The following PDE12 variants were observed in gnomAD, a reference collection of about 807,000 sequenced individuals.
PDE12 encodes the protein 2',5'-phosphodiesterase 12.
Under a neutral mutation model 45.4 loss-of-function variants are expected in PDE12, and 26 were observed. The ratio of observed to expected loss-of-function variants is 0.57; its 90% confidence interval spans 0.42 to 0.79. PDE12 has a LOEUF of 0.79. PDE12 is among the 30% of genes least tolerant of loss of function. The probability of loss-of-function intolerance (pLI) is 0.00; values close to 1 mark genes in which losing one functional copy is unlikely to be tolerated. For missense variants in PDE12, 668 were observed against 790.0 expected, an observed-to-expected ratio of 0.85 and a Z score of 1.85; for synonymous variants, 283 against 323.9, an observed-to-expected ratio of 0.87 and a Z score of 1.36.
chr3:57,563,010 G>A lies in PDE12; in HGVS notation c.*3006G>A, dbSNP rs1165939151. ...ACTACTGTGGAAAGTTCTTACGATG[G>A]AAATTGACATCTTTTGTATCTCATT... is the stretch of plus-strand genomic sequence containing the variant. On this transcript the variant is annotated 3_prime_UTR_variant, in exon 3 of 3. Transcript: ENST00000311180. 2 of 152,156 alleles carry A rather than the reference G, an allele frequency of 1.3e-5. No homozygotes were observed. Among genetic ancestry groups the A allele is most frequent in the Non-Finnish European group, 2.9e-5 (2 of 68,030 alleles). The allele number at this position is 152,156 out of a possible 1,614,324, so 9.4% of individuals were successfully genotyped here.
the PDE12 span, among the ~76,000 whole-genome samples, chr3:57,610,606 G>A: frequency 1.3e-5 from 2 of 152,022 alleles, no homozygotes; most frequent in African/African-American, 2.4e-5. Context: ...CAAACAGAGA[G>A]CCAAATCATG....
chr3:57,628,104 G>A, the PDE12 span: 7 of 1,469,930 alleles, frequency 4.8e-6, no homozygotes, highest in Non-Finnish European at 6.4e-6. Flanking sequence ...TAGCATTCAT[G>A]GCAATTTTCC....
the PDE12 span, among the ~76,000 whole-genome samples, chr3:57,613,297 C>CTT: frequency 1.5e-4 from 20 of 129,462 alleles, no homozygotes; most frequent in African/African-American, 2.6e-4. Context: ...AAAAAAACAA[C>CTT]TTTTTTTTTT....
chr3:57,573,880 C>T, the PDE12 span, among the ~76,000 whole-genome samples: 6 of 152,110 alleles, frequency 3.9e-5, no homozygotes, highest in Admixed American at 3.9e-4. Context: ...CCACACCCGG[C>T]CCAGTTTATG....
the PDE12 span, among the ~76,000 whole-genome samples, chr3:57,580,851 G>A: frequency 2.0e-5 from 3 of 150,958 alleles, no homozygotes; most frequent in East Asian, 5.8e-4. Flanking sequence ...GAGCTCAAGC[G>A]ATCCTCCCAC....
the PDE12 span, among the ~76,000 whole-genome samples, chr3:57,632,021 C>CTTTT: frequency 1.0e-5 from 1 of 96,028 alleles, no homozygotes; most frequent in African/African-American, 4.1e-5. Flanking sequence ...CGCGCCCGGC[C>CTTTT]TTTTTTTTTT....
the PDE12 span, among the ~76,000 whole-genome samples, chr3:57,624,677 C>T: frequency 0.024 from 3,657 of 151,224 alleles, 67 homozygotes; most frequent in Middle Eastern, 0.038. Context: ...GGCAGGAGGA[C>T]GGCTTCAACC....
the PDE12 span, among the ~76,000 whole-genome samples, chr3:57,593,817 G>A: frequency 5.8e-4 from 89 of 152,214 alleles, no homozygotes; most frequent in South Asian, 2.1e-3. Context: ...GGGCGGGATC[G>A]CTTCAGCCCA....
chr3:57,656,371 T>G, the PDE12 span, among the ~76,000 whole-genome samples: 3 of 152,236 alleles, frequency 2.0e-5, no homozygotes, highest in Non-Finnish European at 2.9e-5. Context: ...TTTTTTTAAC[T>G]GCTGAATAGT....
chr3:57,619,176 G>A, the PDE12 span, among the ~76,000 whole-genome samples: 7 of 151,808 alleles, frequency 4.6e-5, no homozygotes, highest in Admixed American at 2.6e-4. Flanking sequence ...GTGAAACCCC[G>A]TCTTTACTAA....
the PDE12 span, among the ~76,000 whole-genome samples, chr3:57,621,355 T>C: frequency 6.6e-6 from 1 of 152,314 alleles, no homozygotes; most frequent in Admixed American, 6.5e-5. Flanking sequence ...TAAACCTAAA[T>C]GCAAAACCTA....
At chr3:57,619,786 G>GT in the PDE12 span, among the ~76,000 whole-genome samples, 2 of 151,834 alleles carry the variant, frequency 1.3e-5, no homozygotes, top group African/African-American at 4.8e-5. Flanking sequence ...GGAGGCAGAG[G>GT]TTGCAGTGAG....
the PDE12 span, among the ~76,000 whole-genome samples, chr3:57,650,906 T>A: frequency 6.6e-6 from 1 of 151,464 alleles, no homozygotes. Context: ...TGCCTCAGCA[T>A]CCAGAGTAGC....
the PDE12 span, among the ~76,000 whole-genome samples, chr3:57,640,976 C>T: frequency 1.1e-4 from 17 of 151,604 alleles, no homozygotes; most frequent in South Asian, 2.7e-3. Flanking sequence ...CACTTTGAAC[C>T]GCTCCCTAAA....
chr3:57,644,978 C>A, the PDE12 span, among the ~76,000 whole-genome samples: 1 of 151,712 alleles, frequency 6.6e-6, no homozygotes, highest in African/African-American at 2.4e-5. Context: ...AAGTGGAGAT[C>A]GTACATGCAG....
At chr3:57,607,479 T>G in the PDE12 span, among the ~76,000 whole-genome samples, 1 of 151,888 alleles carries the variant, frequency 6.6e-6, no homozygotes, top group Non-Finnish European at 1.5e-5. Flanking sequence ...CGCAAAGAAG[T>G]AAAAAACCTT....
chr3:57,632,028 T>C, the PDE12 span, among the ~76,000 whole-genome samples: 1 of 128,254 alleles, frequency 7.8e-6, no homozygotes. Flanking sequence ...GGCCTTTTTT[T>C]TTTTTTTTTT....
chr3:57,646,142 T>A, the PDE12 span, among the ~76,000 whole-genome samples: 1 of 152,192 alleles, frequency 6.6e-6, no homozygotes, highest in African/African-American at 2.4e-5. Flanking sequence ...AATTTTCTCA[T>A]CCATAAAATG....
chr3:57,564,636 T>C lies in PDE12; in HGVS notation c.*4632T>C, dbSNP rs555015435. The stretch of plus-strand genomic sequence containing the variant: ...GGGGAAATGGATAGGCTTTATTTAG[T>C]TGGCTTTCTTATACTGGATAATATA... On this transcript the variant is annotated 3_prime_UTR_variant, in exon 3 of 3. Transcript: ENST00000311180. 3 of 152,272 alleles carry C rather than the reference T, an allele frequency of 2.0e-5. No homozygotes were observed. Among genetic ancestry groups the C allele is most frequent in the Admixed American group, 2.0e-4 (3 of 15,270 alleles). The allele number at this position is 152,272 out of a possible 1,614,324, so 9.4% of individuals were successfully genotyped here.
Sources: gnomAD v4.1 joint callset for allele counts (sites outside exome capture counted in the v4.1 genomes callset) on GRCh38, gnomAD v4.1.1 for gene constraint, MANE v1.5 for transcripts, NCBI Gene and HGNC (gene_info 2026-07-23, HGNC 2026-07-21) for gene names.